The following TMEM115 variants were observed in gnomAD, a reference collection of about 807,000 sequenced individuals.
TMEM115 encodes transmembrane protein 115, also known as PP6.
In TMEM115, 8 loss-of-function variants were observed where a neutral mutation model predicts 20.1. The observed-to-expected ratio is 0.40, with a 90% CI of 0.23 to 0.72. The LOEUF is 0.72. Ranked by LOEUF, TMEM115 falls within the 30% of genes least tolerant of loss-of-function variation. The pLI, the probability that TMEM115 is intolerant of heterozygous loss-of-function variation, is 0.39. For synonymous variants in TMEM115, 229 were observed against 206.2 expected (o/e 1.11, Z -0.95); for missense variants, 374 against 455.1 (o/e 0.82, Z 1.62).
chr3:50,357,495 G>C (rs1681429888), intron 1 of TMEM115, among the ~76,000 whole-genome samples: 1 of 152,248 alleles, frequency 6.6e-6, no homozygotes, highest in South Asian at 2.1e-4. Context: ...ATCTGGGAGA[G>C]AGAGTAAGCT....
rs1703917666 is a variant in TMEM115 at position 50,358,822 on chromosome 3, G to A, written c.242C>T (p.Thr81Met). The part of the protein sequence containing the change: ...HVWDVAISLT[T>M]VVVAGRLLEP... ...CAGCAAACGCCCGGCCACCACCACC[G>A]TTGTCAGGCTGATGGCCACGTCCCA... Residue 81 changes from threonine (T) to methionine (M), a missense_variant, in exon 1 of 2, where the codon ACG becomes ATG. Thr to Met is a moderately conservative substitution (Grantham distance 81, BLOSUM62 -1). Coordinates refer to ENST00000266025, the MANE Select transcript of TMEM115 (RefSeq NM_007024.5). 1 of 1,613,298 alleles carries A rather than the reference G, an allele frequency of 6.2e-7. No homozygotes were observed. Among genetic ancestry groups the A allele is most frequent in the Non-Finnish European group, 8.5e-7 (1 of 1,180,022 alleles).
In TMEM115 at chr3:50,358,593, C is replaced by T; in HGVS notation, c.471G>A (p.Val157=). ...CGCGCACCTGGGGCACTCGCAGGAC[C>T]ACACAGTCCCCCATGGTTTGCTTGA... ...VALKQTMGDC[V]VLRVPQVRVS... is the part of the protein sequence containing the mutation. Residue 157 remains valine, a synonymous_variant, in exon 1 of 2, where the codon GTG becomes GTA. Coordinates refer to ENST00000266025, the MANE Select transcript of TMEM115 (RefSeq NM_007024.5). The T allele has an allele frequency of 6.2e-7, 1 of 1,611,880 alleles. No individual in the cohort carries two copies.
At chr3:50,358,043 A>T (rs143941266) in intron 1 of TMEM115, 170 bp downstream of exon 1, 1 of 844,264 alleles carries the variant, frequency 1.2e-6, no homozygotes, top group African/African-American at 1.7e-5. Context: ...TGGACCCCAG[A>T]CACCTAACTG....
At position 50,358,876 on chromosome 3, in the gene TMEM115, G is replaced by T. The variant is rs1559863322; in HGVS notation, c.188C>A (p.Ala63Asp). Reference protein sequence around the residue: ...FPPNFWIWTLATHGLMEQHVW... With the variant: ...FPPNFWIWTLDTHGLMEQHVW... The stretch of plus-strand genomic sequence containing the variant: ...ATGCTGCTCCATCAGCCCATGGGTG[G>T]CCAGGGTCCAGATCCAGAAGTTGGG... The change falls in exon 1 of 2, where the codon GCC (alanine) becomes GAC (aspartate). Residue 63 changes from alanine (A) to aspartate (D), a missense_variant. Physicochemically the swap from Ala to Asp is moderately radical, Grantham distance 126. Transcript: ENST00000266025. The T allele has an allele frequency of 6.2e-7, 1 of 1,613,138 alleles. No homozygotes were observed. Among genetic ancestry groups the T allele is most frequent in the Non-Finnish European group, 8.5e-7 (1 of 1,180,024 alleles).
rs2109380516 is a variant in TMEM115, at chr3:50,358,136, C to T, written c.851+77G>A. On this transcript the variant is annotated intron_variant, in intron 1 of 1. Coordinates refer to ENST00000266025, the MANE Select transcript of TMEM115 (RefSeq NM_007024.5). Reference sequence around the variant, plus strand: ...ACTGTAGGTCTCCACCTATGTACAGCGAACACCTCAACAGATGGCATGTGA... The same window carrying T: ...ACTGTAGGTCTCCACCTATGTACAGTGAACACCTCAACAGATGGCATGTGA... 5.1e-6 allele frequency: 8 copies of T among 1,554,974 alleles called. No homozygotes were observed. In the South Asian group the frequency reaches 8.4e-5, roughly 16 times the overall value.
At position 50,359,094 on chromosome 3, in the gene TMEM115, G is replaced by A. The variant is rs1279007023; in HGVS notation, c.-31C>T. 14 of 1,537,228 alleles carry A rather than the reference G, an allele frequency of 9.1e-6. No individual in the cohort carries two copies. Among genetic ancestry groups the A allele is most frequent in the Non-Finnish European group, 1.1e-5 (13 of 1,140,214 alleles). On this transcript the variant is annotated 5_prime_UTR_variant, in exon 1 of 2. Transcript: ENST00000266025. Reference sequence around the variant, plus strand: ...TGGCGGCTGTCGGCCTGAGAAAAGGGTCTGGTAGGCCAGGGGCCTCCCCGG... The same window carrying A: ...TGGCGGCTGTCGGCCTGAGAAAAGGATCTGGTAGGCCAGGGGCCTCCCCGG...
In TMEM115 at chr3:50,355,278, G is replaced by A; in HGVS notation, c.*65C>T. ...CTCCTCAGAGCAGTCAGGTGCCCTG[G>A]AGTAGCTGAGAGGATGTCAAGGGGG... is the stretch of plus-strand genomic sequence containing the variant. On this transcript the variant is annotated 3_prime_UTR_variant, in exon 2 of 2. Transcript: ENST00000266025. 3 of 1,257,032 alleles carry A rather than the reference G, an allele frequency of 2.4e-6. No homozygotes were observed. In the South Asian group the frequency reaches 4.8e-5, roughly 20 times the overall value. The allele number at this position is 1,257,032 out of a possible 1,614,324, so 77.9% of individuals were successfully genotyped here. A position where few individuals can be genotyped will look rare whatever the true frequency, so the allele number is the denominator to read the frequency against.
intron 1 of TMEM115, among the ~76,000 whole-genome samples, chr3:50,356,769 C>G (rs1341378024): frequency 6.6e-6 from 1 of 152,202 alleles, no homozygotes; most frequent in Non-Finnish European, 1.5e-5. Context: ...TTGGGCGTGG[C>G]CATGCAGTCA....
rs2109381375 is a variant in TMEM115, at chr3:50,358,808, C to T, written c.256G>A (p.Gly86Arg). 1 of 1,613,256 alleles carries T rather than the reference C, an allele frequency of 6.2e-7. No individual in the cohort carries two copies. Among genetic ancestry groups the T allele is most frequent in the South Asian group, 1.1e-5 (1 of 91,086 alleles). ...AISLTTVVVAGRLLEPLWGAL... is the reference protein window; with the variant it reads ...AISLTTVVVARRLLEPLWGAL... ...CCCCAGAGGGGCTCCAGCAAACGCC[C>T]GGCCACCACCACCGTTGTCAGGCTG... Residue 86 changes from glycine to arginine, a missense_variant, in exon 1 of 2, where the codon GGG (glycine) becomes AGG (arginine). Physicochemically the swap from Gly to Arg is moderately radical, Grantham distance 125. Coordinates refer to ENST00000266025, the MANE Select transcript of TMEM115 (RefSeq NM_007024.5).
At position 50,355,563 on chromosome 3, in the gene TMEM115, A is replaced by G. The variant is rs1399288148; in HGVS notation, c.852-16T>C. 4 of 1,572,720 alleles carry G rather than the reference A, an allele frequency of 2.5e-6. No individual in the cohort carries two copies. The highest frequency in any genetic ancestry group is 3.5e-6 in the Non-Finnish European group (4 of 1,159,308). ...GGCCAGTTGCCTGGGGCCAGAGGAGAGAGGAAAGGTCACTCTGGGTTTGGC... is the reference window on the plus strand; with the variant it reads ...GGCCAGTTGCCTGGGGCCAGAGGAGGGAGGAAAGGTCACTCTGGGTTTGGC... On this transcript the variant is annotated splice_polypyrimidine_tract_variant and intron_variant, in intron 1 of 1. Transcript: ENST00000266025.
Position 50,358,414 on chromosome 3 carries a change from T to C in TMEM115, c.650A>G (p.Asp217Gly). Residue 217 changes from aspartate (D) to glycine (G), a missense_variant, in exon 1 of 2, where the codon GAC becomes GGC. Coordinates refer to ENST00000266025, the MANE Select transcript of TMEM115 (RefSeq NM_007024.5). ...FYQRHSRGRG[D>G]MADHFAFATF... ...GGCGAAAGCAAAGTGGTCAGCCATG[T>C]CCCCTCGGCCCCGGCTATGGCGCTG... 1 of 1,613,810 alleles carries C rather than the reference T, an allele frequency of 6.2e-7. No homozygotes were observed. Among genetic ancestry groups the C allele is most frequent in the East Asian group, 2.2e-5 (1 of 44,884 alleles).
At position 50,358,201 on chromosome 3, in the gene TMEM115, A is replaced by T; in HGVS notation, c.851+12T>A. 6 of 1,609,226 alleles carry T rather than the reference A, an allele frequency of 3.7e-6. No individual in the cohort carries two copies. Among genetic ancestry groups the T allele is most frequent in the Non-Finnish European group, 5.1e-6 (6 of 1,176,228 alleles). On this transcript the variant is annotated intron_variant, in intron 1 of 1. Coordinates refer to ENST00000266025, the MANE Select transcript of TMEM115 (RefSeq NM_007024.5). ...TCCTAGCTTGACAAGATTTTGGAAAATTTCACAGTACCTTCTCCGCTCGGC... is the reference window on the plus strand; with the variant it reads ...TCCTAGCTTGACAAGATTTTGGAAATTTTCACAGTACCTTCTCCGCTCGGC...
In TMEM115 at chr3:50,358,767, G is replaced by C. The variant is rs1300023623; in HGVS notation, c.297C>G (p.Leu99=). 2.3e-5 allele frequency: 37 copies of C among 1,613,300 alleles called. No homozygotes were observed. Among genetic ancestry groups the C allele is most frequent in the Non-Finnish European group, 3.0e-5 (35 of 1,180,042 alleles). ...ACACATTCACCACTGAGAAGAAGAT[G>C]AGCAGCTCCAAGGCCCCCCAGAGGG... ...LEPLWGALEL[L]IFFSVVNVSV... Residue 99 remains leucine, a synonymous_variant, in exon 1 of 2, where the codon CTC becomes CTG. Coordinates refer to ENST00000266025, the MANE Select transcript of TMEM115 (RefSeq NM_007024.5).
At chr3:50,357,215 G>A (rs1703890683) in intron 1 of TMEM115, among the ~76,000 whole-genome samples, 1 of 152,172 alleles carries the variant, frequency 6.6e-6, no homozygotes, top group Non-Finnish European at 1.5e-5. Context: ...CCCTTCCCCA[G>A]CTGGAACTCC....
chr3:50,357,304 A>T (rs1459343978), intron 1 of TMEM115, among the ~76,000 whole-genome samples: 1 of 152,240 alleles, frequency 6.6e-6, no homozygotes, highest in Admixed American at 6.5e-5. Flanking sequence ...AGCTAAATTC[A>T]TAGAGCTTCC....
chr3:50,357,926 A>C (rs1429689590), intron 1 of TMEM115, among the ~76,000 whole-genome samples: 1 of 152,230 alleles, frequency 6.6e-6, no homozygotes, highest in African/African-American at 2.4e-5. Flanking sequence ...TGAGATTCTG[A>C]GGCAAGGCCA....
intron 1 of TMEM115, among the ~76,000 whole-genome samples, chr3:50,356,208 A>G (rs1321991941): frequency 6.6e-6 from 1 of 152,218 alleles, no homozygotes; most frequent in South Asian, 2.1e-4. Context: ...AAGAAGGAGA[A>G]ACAGCTCACA....
chr3:50,358,979 C>A lies in TMEM115; in HGVS notation c.85G>T (p.Ala29Ser). Residue 29 changes from alanine to serine, a missense_variant, in exon 1 of 2, where the codon GCG (alanine) becomes TCG (serine). Physicochemically the swap from Ala to Ser is moderately conservative, Grantham distance 99 (BLOSUM62 1). Coordinates refer to ENST00000266025, the MANE Select transcript of TMEM115 (RefSeq NM_007024.5). ...GAGAGCAGGTAGAGGAATAGTACCG[C>A]CGCACACAGAGCCTTCACCACCACG... ...ASVVVKALCA[A>S]VLFLYLLSFA... is the part of the protein sequence containing the mutation. 1 of 1,601,122 alleles carries A rather than the reference C, an allele frequency of 6.2e-7. No individual in the cohort carries two copies. Among genetic ancestry groups the A allele is most frequent in the South Asian group, 1.1e-5 (1 of 89,696 alleles).
intron 1 of TMEM115, 116 bp from the exon 2 acceptor site, chr3:50,355,663 CTA>C (rs1462281807): frequency 1.1e-5 from 10 of 878,666 alleles, no homozygotes; most frequent in South Asian, 2.4e-5. Context: ...CCCCAGAATC[CTA>C]TGTTTCCCCT....
Sources: gnomAD v4.1 joint callset for allele counts (sites outside exome capture counted in the v4.1 genomes callset) on GRCh38, gnomAD v4.1.1 for gene constraint, MANE v1.5 for transcripts, NCBI Gene and HGNC (gene_info 2026-07-23, HGNC 2026-07-21) for gene names.